Variants in FLI1 observed in about 807,000 individuals in gnomAD.
FLI1 encodes the protein Friend leukemia integration 1 transcription factor.
A neutral mutation model predicts 53.1 loss-of-function variants in FLI1; 13 were observed. The observed-to-expected ratio is 0.24, with a 90% CI of 0.16 to 0.39. The LOEUF (loss-of-function observed/expected upper bound fraction) is 0.39, where lower values mean the gene tolerates loss of function less well. FLI1 is among the 10% of genes least tolerant of loss of function. The probability of loss-of-function intolerance (pLI) is 1.00; values close to 1 mark genes in which losing one functional copy is unlikely to be tolerated. For synonymous variants in FLI1, 244 were observed against 236.7 expected (o/e 1.03, Z -0.28); for missense variants, 424 against 600.5 (o/e 0.71, Z 3.07).
intron 1 of FLI1, among the ~76,000 whole-genome samples, chr11:128,723,597 A>G (rs1259039036): frequency 1.3e-5 from 2 of 152,216 alleles, no homozygotes; most frequent in Non-Finnish European, 2.9e-5. Context: ...GAAGGAGGAT[A>G]GGTATAGAAA....
At position 128,799,043 on chromosome 11, in the gene FLI1, A is replaced by ATTTT. The variant is rs1186555006; in HGVS notation, c.656-6321_656-6320insTTTT. Among the ~76,000 whole-genome samples the ATTTT allele has an allele frequency of 3.8e-4, 49 of 128,670 alleles. 1 individual carries two copies. The highest frequency in any genetic ancestry group is 1.4e-3 in the African/African-American group (49 of 33,934). The allele number at this position is 128,670 out of a possible 152,430, so 84.4% of individuals were successfully genotyped here. On this transcript the variant is annotated intron_variant, in intron 5 of 8. Transcript: ENST00000527786. ...TTATATTATTATTATTATTATTATTATTATTATTATTTTGCTTTGGAGACA... is the reference window on the plus strand; with the variant it reads ...TTATATTATTATTATTATTATTATTATTTTTTATTATTATTTTGCTTTGGAGACA...
At chr11:128,777,976 A>G (rs1400952088) in intron 4 of FLI1, among the ~76,000 whole-genome samples, 1 of 152,244 alleles carries the variant, frequency 6.6e-6, no homozygotes, top group African/African-American at 2.4e-5. Context: ...TTTCAGATCC[A>G]GGTACTGTCT....
chr11:128,801,549 C>T (rs1050056267), intron 5 of FLI1, among the ~76,000 whole-genome samples: 6 of 152,220 alleles, frequency 3.9e-5, no homozygotes, highest in African/African-American at 1.2e-4. Flanking sequence ...ATGCCTCATA[C>T]ATAAATAGGT....
intron 1 of FLI1, among the ~76,000 whole-genome samples, chr11:128,694,592 A>T (rs11221436): frequency 9.9e-5 from 15 of 152,128 alleles, no homozygotes; most frequent in South Asian, 2.1e-4. Flanking sequence ...AGGGTACGGA[A>T]CGGAGTCAAG....
intron 6 of FLI1, chr11:128,806,590 G>A (rs1424884957): frequency 6.6e-6 from 1 of 152,248 alleles, no homozygotes; most frequent in Non-Finnish European, 1.5e-5. Context: ...CGTGTATGGT[G>A]GGTTGTGGGG....
intron 2 of FLI1, among the ~76,000 whole-genome samples, chr11:128,763,253 T>G (rs1339439176): frequency 2.0e-5 from 3 of 152,224 alleles, no homozygotes; most frequent in East Asian, 3.9e-4. Context: ...GACTGAGGTC[T>G]GAGGATCTCA....
intron 1 of FLI1, among the ~76,000 whole-genome samples, chr11:128,748,499 G>A (rs932896435): frequency 1.3e-5 from 2 of 152,150 alleles, no homozygotes; most frequent in Non-Finnish European, 2.9e-5. Context: ...TGGGCGTGGT[G>A]GTGGGCGCCT....
chr11:128,781,969 G>A lies in FLI1; in HGVS notation c.601G>A (p.Ala201Thr), dbSNP rs1022191111. 9.3e-6 allele frequency: 15 copies of A among 1,613,550 alleles called. No individual in the cohort carries two copies. Among genetic ancestry groups the A allele is most frequent in the African/African-American group, 6.7e-5 (5 of 74,868 alleles). The change falls in exon 5 of 9, where the codon GCC (alanine) becomes ACC (threonine). Residue 201 changes from alanine (A) to threonine (T), a missense_variant. Physicochemically the swap from Ala to Thr is moderately conservative, Grantham distance 58. Transcript: ENST00000527786. ...GTTTTGCCTCTCAGGTTCACTGCTG[G>A]CCTATAATACAACCTCCCACACCGA... is the stretch of plus-strand genomic sequence containing the variant. ...LSYLRESSLL[A>T]YNTTSHTDQS... is the part of the protein sequence containing the mutation.
chr11:128,730,473 A>G (rs891910212), intron 1 of FLI1, among the ~76,000 whole-genome samples: 1 of 152,230 alleles, frequency 6.6e-6, no homozygotes, highest in Non-Finnish European at 1.5e-5. Flanking sequence ...CATGCATTCT[A>G]TTCTAGAATG....
upstream of FLI1, chr11:128,692,860 G>A (rs1937809775): frequency 6.6e-6 from 1 of 152,264 alleles, no homozygotes; most frequent in Non-Finnish European, 1.5e-5. Flanking sequence ...AGCCCCTCGA[G>A]GCTGCTCCAA....
At chr11:128,793,722 T>C (rs1217094150) in intron 5 of FLI1, among the ~76,000 whole-genome samples, 1 of 152,204 alleles carries the variant, frequency 6.6e-6, no homozygotes, top group Non-Finnish European at 1.5e-5. Context: ...AAGACCCTCA[T>C]AGGTGCCCAT....
chr11:128,717,532 G>T (rs1343099084), intron 1 of FLI1, among the ~76,000 whole-genome samples: 1 of 152,136 alleles, frequency 6.6e-6, no homozygotes, highest in Non-Finnish European at 1.5e-5. Context: ...GGGACTGCAG[G>T]GCAGGCAGGA....
At chr11:128,775,050 T>G (rs184574935) in intron 4 of FLI1, among the ~76,000 whole-genome samples, 25 of 152,322 alleles carry the variant, frequency 1.6e-4, no homozygotes, top group African/African-American at 5.3e-4. Flanking sequence ...AATAAAAATA[T>G]TAGGTTTCCC....
At position 128,772,769 on chromosome 11, in the gene FLI1, T is replaced by C; in HGVS notation, c.386-13T>C. ...TCCTGCAGTCCTTGCTAACAACGTCTTCTCCTCTGCAGACCCCACACTGTG... is the reference window on the plus strand; with the variant it reads ...TCCTGCAGTCCTTGCTAACAACGTCCTCTCCTCTGCAGACCCCACACTGTG... On this transcript the variant is annotated splice_polypyrimidine_tract_variant and intron_variant, in intron 3 of 8. Transcript: ENST00000527786. The C allele has an allele frequency of 1.2e-6, 2 of 1,613,216 alleles. No individual in the cohort carries two copies. The highest frequency in any genetic ancestry group is 1.7e-6 in the Non-Finnish European group (2 of 1,179,148).
chr11:128,809,755 G>GAGCT (rs1942888937), intron 8 of FLI1, among the ~76,000 whole-genome samples: 1 of 152,132 alleles, frequency 6.6e-6, no homozygotes, highest in African/African-American at 2.4e-5. Flanking sequence ...TCGAGATTGG[G>GAGCT]AGCTAGCAGG....
chr11:128,787,680 C>T (rs908000748), intron 5 of FLI1, among the ~76,000 whole-genome samples: 8 of 152,088 alleles, frequency 5.3e-5, no homozygotes, highest in African/African-American at 1.9e-4. Context: ...ACTCATAAAT[C>T]AGCACAGTTT....
chr11:128,723,210 C>T (rs1261616124), intron 1 of FLI1, among the ~76,000 whole-genome samples: 1 of 152,160 alleles, frequency 6.6e-6, no homozygotes, highest in African/African-American at 2.4e-5. Context: ...CACAAACACT[C>T]ACTCCATAAC....
At chr11:128,805,574 G>T in intron 6 of FLI1, 143 bp downstream of exon 6, 1 of 600,290 alleles carries the variant, frequency 1.7e-6, no homozygotes. Flanking sequence ...GCCAATTTAG[G>T]GCCTTTCCAT....
intron 1 of FLI1, among the ~76,000 whole-genome samples, chr11:128,730,826 C>A (rs1939666188): frequency 6.6e-6 from 1 of 152,260 alleles, no homozygotes; most frequent in Admixed American, 6.5e-5. Context: ...TATTTAGAGG[C>A]TCACAGAAAT....
Sources: allele counts gnomAD v4.1 joint callset (sites outside exome capture counted in the v4.1 genomes callset), GRCh38; gene constraint gnomAD v4.1.1; transcripts MANE v1.5; gene names NCBI Gene and HGNC (gene_info 2026-07-23, HGNC 2026-07-21).